HAUS3: variants seen among roughly 807,000 people sequenced by gnomAD.
HAUS3 encodes the protein HAUS augmin-like complex subunit 3.
Under a neutral mutation model 55.2 loss-of-function variants are expected in HAUS3, and 36 were observed. That is an observed-to-expected ratio of 0.65 (90% CI 0.50 to 0.86). The LOEUF is 0.86. Ranked by LOEUF, HAUS3 falls within the 40% of genes least tolerant of loss-of-function variation. The pLI is 0.00. For missense variants in HAUS3, 752 were observed against 671.5 expected (o/e 1.12, Z -1.33); for synonymous variants, 234 against 238.6 (o/e 0.98, Z 0.18).
rs143848927 is a variant in HAUS3 at position 2,236,908 on chromosome 4, T to C, written c.1350-452A>G. On this transcript the variant is annotated intron_variant, in intron 4 of 5. Transcript: ENST00000443786. ...TATAATTATAATAATAATATTATTA[T>C]TATTTGTGTGCCTGCAAAAATCAAG... is the stretch of plus-strand genomic sequence containing the variant. Among the ~76,000 whole-genome samples the C allele has an allele frequency of 1.8e-3, 273 of 149,928 alleles. 2 individuals are homozygous for C. Among genetic ancestry groups the C allele is most frequent in the Non-Finnish European group, 2.5e-3 (169 of 67,584 alleles).
chr4:2,234,955 G>A (rs919102518), intron 5 of HAUS3, among the ~76,000 whole-genome samples: 9 of 152,182 alleles, frequency 5.9e-5, no homozygotes, highest in African/African-American at 2.2e-4. Flanking sequence ...GCGCGATCTT[G>A]ACTCACTGCA....
intron 5 of HAUS3, among the ~76,000 whole-genome samples, chr4:2,233,900 A>G (rs1734667380): frequency 6.7e-6 from 1 of 148,530 alleles, no homozygotes; most frequent in Non-Finnish European, 1.5e-5. Flanking sequence ...TTAAAAAGCA[A>G]TCTGGCCATA....
chr4:2,237,451 G>A (rs1259970041), intron 4 of HAUS3, among the ~76,000 whole-genome samples: 1 of 151,662 alleles, frequency 6.6e-6, no homozygotes, highest in East Asian at 1.9e-4. Flanking sequence ...GAAAGAAAGG[G>A]AAGGAAAGGA....
intron 5 of HAUS3, among the ~76,000 whole-genome samples, chr4:2,233,061 A>G (rs1734639249): frequency 1.3e-5 from 2 of 152,206 alleles, no homozygotes; most frequent in South Asian, 4.1e-4. Flanking sequence ...ATTCTAATGT[A>G]CAAGTTCAAG....
intron 5 of HAUS3, among the ~76,000 whole-genome samples, chr4:2,233,182 C>T (rs1182365864): frequency 2.6e-5 from 4 of 152,114 alleles, no homozygotes; most frequent in Non-Finnish European, 5.9e-5. Flanking sequence ...TTAGTGATAT[C>T]CTCTAAGACA....
chr4:2,236,049 T>A (rs988124779), intron 5 of HAUS3, among the ~76,000 whole-genome samples, 179 bp downstream of exon 5: 1 of 152,208 alleles, frequency 6.6e-6, no homozygotes, highest in African/African-American at 2.4e-5. Context: ...TGCACACTCA[T>A]CAAAACTATC....
chr4:2,228,884 C>A lies in HAUS3; in HGVS notation c.*3043G>T. 2.5e-6 allele frequency: 1 copy of A among 403,340 alleles called. No individual in the cohort carries two copies. The highest frequency in any genetic ancestry group is 4.4e-6 in the Non-Finnish European group (1 of 227,726). The allele number at this position is 403,340 out of a possible 1,614,324, so 25.0% of individuals were successfully genotyped here. On this transcript the variant is annotated 3_prime_UTR_variant, in exon 6 of 6. Coordinates refer to ENST00000443786, the MANE Select transcript of HAUS3 (RefSeq NM_001303143.2). Reference sequence around the variant, plus strand: ...CTAAGGGAATGTTTGACAGAAATACCTGGAATAAGGAAGAGAGTGTTACAT... The same window carrying A: ...CTAAGGGAATGTTTGACAGAAATACATGGAATAAGGAAGAGAGTGTTACAT...
chr4:2,236,447 T>C lies in HAUS3; in HGVS notation c.1359A>G (p.Gln453=), dbSNP rs959738471. The C allele has an allele frequency of 1.9e-6, 3 of 1,606,916 alleles. No homozygotes were observed. Among genetic ancestry groups the C allele is most frequent in the Non-Finnish European group, 2.6e-6 (3 of 1,174,306 alleles). The change falls in exon 5 of 6, where the codon CAA becomes CAG. Residue 453 remains glutamine (Q), a synonymous_variant. Transcript: ENST00000443786. ...TKDYSTHRLY[Q]VLEGENKKKE... ...TTTTCTTATTCTCTCCCTCCAAAAC[T>C]TGGTAAAGCCTGAAATGTAAAAATT...
Position 2,240,898 on chromosome 4 carries a change from G to A in HAUS3, c.49C>T (p.Pro17Ser), listed in dbSNP as rs1577805965. ...TCTCCATTAAGATTATCAGCTTTGGGATAACCAATTTTTTTTAATGTTTCC... is the reference window on the plus strand; with the variant it reads ...TCTCCATTAAGATTATCAGCTTTGGAATAACCAATTTTTTTTAATGTTTCC... Reference protein sequence around the residue: ...FVETLKKIGYPKADNLNGEDF... With the variant: ...FVETLKKIGYSKADNLNGEDF... Residue 17 changes from proline (P) to serine (S), a missense_variant, in exon 3 of 6, where the codon CCC becomes TCC. By Grantham distance (74) the Pro-to-Ser change is moderately conservative. Coordinates refer to ENST00000443786, the MANE Select transcript of HAUS3 (RefSeq NM_001303143.2). 1 of 1,601,290 alleles carries A rather than the reference G, an allele frequency of 6.2e-7. No homozygotes were observed. Among genetic ancestry groups the A allele is most frequent in the Non-Finnish European group, 8.5e-7 (1 of 1,178,348 alleles).
chr4:2,233,869 C>G (rs1734666379), intron 5 of HAUS3, among the ~76,000 whole-genome samples: 1 of 152,066 alleles, frequency 6.6e-6, no homozygotes, highest in African/African-American at 2.4e-5. Flanking sequence ...TTATATAGTG[C>G]TGGTAGCATT....
rs746008091 is a variant in HAUS3 at position 2,230,693 on chromosome 4, CA to C, written c.*1233del. On this transcript the variant is annotated 3_prime_UTR_variant, in exon 6 of 6. Transcript: ENST00000443786. ...GCTAAAAAATTCCATAAAGACCACC[CA>C]AAACATGTAGTTTTTAGATTGGCAT... 18 of 151,744 alleles carry C rather than the reference CA, an allele frequency of 1.2e-4. No individual in the cohort carries two copies. The highest frequency in any genetic ancestry group is 1.2e-3 in the East Asian group (6 of 5,184). 9.4% of individuals were successfully genotyped at this position (151,744 alleles called of 1,614,324 possible).
chr4:2,238,547 A>G, intron 4 of HAUS3, 57 bp downstream of exon 4: 1 of 1,175,470 alleles, frequency 8.5e-7, no homozygotes, highest in Non-Finnish European at 1.2e-6. Context: ...AACTCTCTCT[A>G]GTATTTCGCA....
At position 2,230,969 on chromosome 4, in the gene HAUS3, C is replaced by T. The variant is rs188900482; in HGVS notation, c.*958G>A. 6.6e-6 allele frequency: 1 copy of T among 152,198 alleles called. No individual in the cohort carries two copies. The highest frequency in any genetic ancestry group is 1.5e-5 in the Non-Finnish European group (1 of 68,042). The allele number at this position is 152,198 out of a possible 1,614,324, so 9.4% of individuals were successfully genotyped here. ...GTATCATACATCTTTTGAGCAACCACTTTTACAGAATTTTGAAATTCAAAT... is the reference window on the plus strand; with the variant it reads ...GTATCATACATCTTTTGAGCAACCATTTTTACAGAATTTTGAAATTCAAAT... On this transcript the variant is annotated 3_prime_UTR_variant, in exon 6 of 6. Coordinates refer to ENST00000443786, the MANE Select transcript of HAUS3 (RefSeq NM_001303143.2).
Position 2,228,899 on chromosome 4 carries a change from G to C in HAUS3, c.*3028C>G. On this transcript the variant is annotated 3_prime_UTR_variant, in exon 6 of 6. Transcript: ENST00000443786. ...ACAGAAATACCTGGAATAAGGAAGA[G>C]AGTGTTACATTTTTAAAGCAATGAA... 3 of 442,490 alleles carry C rather than the reference G, an allele frequency of 6.8e-6. No homozygotes were observed. The highest frequency in any genetic ancestry group is 3.6e-5 in the East Asian group (1 of 27,770). The allele number at this position is 442,490 out of a possible 1,614,324, so 27.4% of individuals were successfully genotyped here.
intron 3 of HAUS3, 32 bp downstream of exon 3, chr4:2,240,006 A>C: frequency 6.5e-7 from 1 of 1,537,876 alleles, no homozygotes; most frequent in Non-Finnish European, 9.0e-7. Flanking sequence ...CAATAATTAC[A>C]ATGTGAATCC....
intron 5 of HAUS3, among the ~76,000 whole-genome samples, chr4:2,235,763 G>A (rs1734738745): frequency 6.6e-6 from 1 of 152,120 alleles, no homozygotes; most frequent in Non-Finnish European, 1.5e-5. Context: ...ATATATGTGT[G>A]TATGTGTGTG....
In HAUS3 at chr4:2,238,590, T is replaced by G; in HGVS notation, c.1349+14A>C. 1 of 1,457,648 alleles carries G rather than the reference T, an allele frequency of 6.9e-7. No individual in the cohort carries two copies. Among genetic ancestry groups the G allele is most frequent in the South Asian group, 1.4e-5 (1 of 71,364 alleles). The allele number at this position is 1,457,648 out of a possible 1,614,324, so 90.3% of individuals were successfully genotyped here. On this transcript the variant is annotated intron_variant, in intron 4 of 5. Coordinates refer to ENST00000443786, the MANE Select transcript of HAUS3 (RefSeq NM_001303143.2). Reference sequence around the variant, plus strand: ...AAGGAAATATTTACTAAAGAAACAATGAAGCATACGTACCTATGAGTAGAA... The same window carrying G: ...AAGGAAATATTTACTAAAGAAACAAGGAAGCATACGTACCTATGAGTAGAA...
chr4:2,240,752 C>G lies in HAUS3; in HGVS notation c.195G>C (p.Gln65His). The G allele has an allele frequency of 6.2e-7, 1 of 1,613,938 alleles. No individual in the cohort carries two copies. The highest frequency in any genetic ancestry group is 8.5e-7 in the Non-Finnish European group (1 of 1,179,990). ...ERELEAFSIL[Q>H]KSGKPILEGA... ...CTTCTAGAATAGGCTTGCCTGATTT[C>G]TGAAGAATGCTAAAAGCTTCCAATT... is the stretch of plus-strand genomic sequence containing the variant. The change falls in exon 3 of 6, where the codon CAG becomes CAC. Residue 65 changes from glutamine (Q) to histidine (H), a missense_variant. Transcript: ENST00000443786.
At position 2,240,858 on chromosome 4, in the gene HAUS3, A is replaced by G; in HGVS notation, c.89T>C (p.Leu30Ser). The change falls in exon 3 of 6, where the codon TTG (leucine) becomes TCG (serine). Residue 30 changes from leucine to serine, a missense_variant. Coordinates refer to ENST00000443786, the MANE Select transcript of HAUS3 (RefSeq NM_001303143.2). The part of the protein sequence containing the change: ...DNLNGEDFDW[L>S]FEGVEDESFL... Reference sequence around the variant, plus strand: ...CGATTCATCTTCAACGCCCTCAAACAACCAGTCAAAGTCTTCTCCATTAAG... The same window carrying G: ...CGATTCATCTTCAACGCCCTCAAACGACCAGTCAAAGTCTTCTCCATTAAG... 2 of 1,612,934 alleles carry G rather than the reference A, an allele frequency of 1.2e-6. No homozygotes were observed. Among genetic ancestry groups the G allele is most frequent in the Non-Finnish European group, 1.7e-6 (2 of 1,179,952 alleles).
Sources: allele counts gnomAD v4.1 joint callset (sites outside exome capture counted in the v4.1 genomes callset), GRCh38; gene constraint gnomAD v4.1.1; transcripts MANE v1.5; gene names NCBI Gene and HGNC (gene_info 2026-07-23, HGNC 2026-07-21).